The following KCNH1 variants were observed in gnomAD, a reference collection of about 807,000 sequenced individuals.
KCNH1 encodes the protein potassium voltage-gated channel subfamily H member 1, also known as voltage-gated delayed rectifier potassium channel KCNH1.
A neutral mutation model predicts 69.2 loss-of-function variants in KCNH1; 27 were observed. That is an observed-to-expected ratio of 0.39 (90% CI 0.29 to 0.54). The LOEUF is 0.54. KCNH1 is among the 20% of genes least tolerant of loss of function. The pLI, the probability that KCNH1 is intolerant of heterozygous loss-of-function variation, is 0.68. For synonymous variants in KCNH1, 456 were observed against 487.7 expected (o/e 0.93, Z 0.86); for missense variants, 798 against 1,261.6 (o/e 0.63, Z 5.57).
At chr1:210,764,253 A>C (rs1683577015) in intron 10 of KCNH1, among the ~76,000 whole-genome samples, 1 of 152,198 alleles carries the variant, frequency 6.6e-6, no homozygotes, top group African/African-American at 2.4e-5. Flanking sequence ...TAATACCTCA[A>C]ACTATAAAAA....
intron 7 of KCNH1, chr1:210,858,489 T>C (rs1685904969): frequency 6.6e-6 from 1 of 152,240 alleles, no homozygotes; most frequent in East Asian, 1.9e-4. Flanking sequence ...TACATCTTTT[T>C]ATAAACAGCA....
At chr1:210,844,229 T>A (rs891759433) in intron 7 of KCNH1, among the ~76,000 whole-genome samples, 3 of 152,168 alleles carry the variant, frequency 2.0e-5, no homozygotes, top group African/African-American at 7.2e-5. Flanking sequence ...GGCATTCAAA[T>A]AGGTTTCTTC....
intron 5 of KCNH1, among the ~76,000 whole-genome samples, chr1:211,071,527 G>A (rs1460556634): frequency 6.6e-6 from 1 of 152,152 alleles, no homozygotes; most frequent in African/African-American, 2.4e-5. Context: ...GTAGTAAAGT[G>A]TATACTTTAG....
intron 7 of KCNH1, among the ~76,000 whole-genome samples, chr1:210,903,113 CT>C (rs34248394): frequency 0.17 from 26,478 of 151,614 alleles, 2,923 homozygotes; most frequent in Non-Finnish European, 0.24. Context: ...TGCCATCTCT[CT>C]TTTTTTTTCA....
intron 10 of KCNH1, among the ~76,000 whole-genome samples, chr1:210,694,394 T>A (rs749472099): frequency 6.6e-6 from 1 of 152,158 alleles, no homozygotes; most frequent in East Asian, 1.9e-4. Context: ...CTGACAGGTA[T>A]CTTATCCTGG....
chr1:211,101,718 A>T (rs1691261229), intron 3 of KCNH1, among the ~76,000 whole-genome samples: 3 of 152,208 alleles, frequency 2.0e-5, no homozygotes, highest in African/African-American at 4.8e-5. Context: ...ATGGCCGTGG[A>T]GCAAACACTG....
intron 10 of KCNH1, among the ~76,000 whole-genome samples, chr1:210,741,335 A>G (rs1276465555): frequency 1.3e-5 from 2 of 152,352 alleles, no homozygotes; most frequent in East Asian, 3.9e-4. Flanking sequence ...AACATGCTCC[A>G]TATAAATGGT....
At chr1:210,982,702 C>A (rs36163661) in intron 6 of KCNH1, among the ~76,000 whole-genome samples, 5 of 152,178 alleles carry the variant, frequency 3.3e-5, no homozygotes, top group Non-Finnish European at 5.9e-5. Flanking sequence ...CAAGTCTTTG[C>A]TATTGTGAAT....
At chr1:211,128,875 G>C (rs1691829933) in intron 1 of KCNH1, among the ~76,000 whole-genome samples, 1 of 152,148 alleles carries the variant, frequency 6.6e-6, no homozygotes, top group Non-Finnish European at 1.5e-5. Flanking sequence ...GCAACAAAGG[G>C]AGGAGGAAGA....
chr1:211,037,083 C>A (rs987020084), intron 5 of KCNH1, among the ~76,000 whole-genome samples: 8 of 152,194 alleles, frequency 5.3e-5, no homozygotes, highest in Non-Finnish European at 1.2e-4. Flanking sequence ...ACTAACCTAT[C>A]ACATTTCTCT....
At chr1:210,747,967 G>T (rs1033468724) in intron 10 of KCNH1, among the ~76,000 whole-genome samples, 8 of 152,268 alleles carry the variant, frequency 5.3e-5, no homozygotes, top group Non-Finnish European at 1.0e-4. Flanking sequence ...GTTCAGGAAT[G>T]AGTGAGAAAA....
intron 6 of KCNH1, among the ~76,000 whole-genome samples, chr1:210,983,173 A>C (rs1420607825): frequency 1.3e-5 from 2 of 151,958 alleles, no homozygotes; most frequent in Admixed American, 6.6e-5. Context: ...CATATTAGCC[A>C]TTTGTCAGAT....
intron 10 of KCNH1, among the ~76,000 whole-genome samples, chr1:210,754,869 CACACACACACAG>C (rs1683361116): frequency 6.6e-6 from 1 of 151,580 alleles, no homozygotes; most frequent in Non-Finnish European, 1.5e-5. Context: ...CACACACACA[CACACACACACAG>C]ACACATACAA....
At chr1:210,828,093 T>C (rs1558486589) in intron 7 of KCNH1, among the ~76,000 whole-genome samples, 1 of 152,146 alleles carries the variant, frequency 6.6e-6, no homozygotes, top group Non-Finnish European at 1.5e-5. Context: ...TCCACTCTTC[T>C]CAGCCTCCCA....
chr1:211,134,023 A>G lies in KCNH1; in HGVS notation c.-78T>C. On this transcript the variant is annotated 5_prime_UTR_variant, in exon 1 of 11. Coordinates refer to ENST00000271751, the MANE Select transcript of KCNH1 (RefSeq NM_172362.3). This position sits in a 1 kb window ranked among gnomAD's most constrained non-coding sequence, Gnocchi z 5.7. ...GCAGGAAACTGGCCTCGGGGCCCGC[A>G]CGCAGTCCCGGCTCGAAGCGCCCCA... 2 of 1,317,796 alleles carry G rather than the reference A, an allele frequency of 1.5e-6. No homozygotes were observed. The highest frequency in any genetic ancestry group is 2.2e-6 in the Non-Finnish European group (2 of 923,124). 81.6% of individuals were successfully genotyped at this position (1,317,796 alleles called of 1,614,324 possible).
intron 6 of KCNH1, among the ~76,000 whole-genome samples, chr1:210,960,367 C>T (rs1688270157): frequency 6.6e-6 from 1 of 152,188 alleles, no homozygotes; most frequent in Non-Finnish European, 1.5e-5. Context: ...AAGATAATGG[C>T]ATTTCATGAC....
At chr1:210,843,969 A>T (rs554435888) in intron 7 of KCNH1, among the ~76,000 whole-genome samples, 82 of 152,192 alleles carry the variant, frequency 5.4e-4, no homozygotes, top group Non-Finnish European at 9.9e-4. Flanking sequence ...TCAACTAATA[A>T]TTTTTTCCCA....
At position 210,859,882 on chromosome 1, in the gene KCNH1, A is replaced by G. The variant is rs192104384; in HGVS notation, c.1463-55716T>C. ...TTATTAGGGAAGTGAAGATTTTCTA[A>G]GGTATTTAGTAATAGGTATGCATTA... On this transcript the variant is annotated intron_variant, in intron 7 of 10. Coordinates refer to ENST00000271751, the MANE Select transcript of KCNH1 (RefSeq NM_172362.3). The G allele has an allele frequency of 4.0e-3, 4,998 of 1,244,968 alleles. 15 individuals are homozygous for G. The highest frequency in any genetic ancestry group is 4.8e-3 in the Non-Finnish European group (4,040 of 844,478). The allele number at this position is 1,244,968 out of a possible 1,614,324, so 77.1% of individuals were successfully genotyped here.
chr1:211,028,696 G>A (rs1018220054), intron 5 of KCNH1, among the ~76,000 whole-genome samples: 34 of 151,780 alleles, frequency 2.2e-4, no homozygotes, highest in African/African-American at 8.2e-4. Context: ...GACTAGTTAG[G>A]GGAAATGGAC....
Sources: gnomAD v4.1 joint callset for allele counts (sites outside exome capture counted in the v4.1 genomes callset) on GRCh38, gnomAD v4.1.1 for gene constraint, Gnocchi (gnomAD v3.1) non-coding constraint, MANE v1.5 for transcripts, NCBI Gene and HGNC (gene_info 2026-07-23, HGNC 2026-07-21) for gene names.